The following FREM2 variants were observed in gnomAD, a reference collection of about 807,000 sequenced individuals.
The protein encoded by FREM2 is FRAS1-related extracellular matrix protein 2.
A neutral mutation model predicts 219.9 loss-of-function variants in FREM2; 119 were observed. The ratio of observed to expected loss-of-function variants is 0.54; its 90% CI spans 0.47 to 0.63. The LOEUF (loss-of-function observed/expected upper bound fraction) is 0.63. FREM2 is among the 30% of genes least tolerant of loss of function. FREM2 has a pLI of 0.00. For synonymous variants in FREM2, 1,562 were observed against 1,522.8 expected (o/e 1.03, Z -0.60); for missense variants, 4,030 against 3,993.6 (o/e 1.01, Z -0.25).
At chr13:38,755,271 A>G (rs554983508) in intron 2 of FREM2, among the ~76,000 whole-genome samples, 1 of 152,138 alleles carries the variant, frequency 6.6e-6, no homozygotes, top group South Asian at 2.1e-4. Flanking sequence ...CAGTTGCCCA[A>G]CATCTGCACA....
Position 38,859,530 on chromosome 13 carries a change from A to G in FREM2, c.7459A>G (p.Thr2487Ala). ...RVQCAARAVN[T>A]NGDEGLELMS... ...ACAGTGCGCAGCTCGTGCTGTGAAC[A>G]CCAATGGGGATGAAGGCCTGGAGCT... The change falls in exon 14 of 24, where the codon ACC becomes GCC. Residue 2487 changes from threonine to alanine, a missense_variant. Coordinates refer to ENST00000280481, the MANE Select transcript of FREM2 (RefSeq NM_207361.6). 1 of 1,614,114 alleles carries G rather than the reference A, an allele frequency of 6.2e-7. No homozygotes were observed. Among genetic ancestry groups the G allele is most frequent in the Non-Finnish European group, 8.5e-7 (1 of 1,180,008 alleles).
chr13:38,749,689 C>T (rs1872649136), intron 2 of FREM2, among the ~76,000 whole-genome samples: 1 of 152,082 alleles, frequency 6.6e-6, no homozygotes, highest in Non-Finnish European at 1.5e-5. Flanking sequence ...CCTTCACCCC[C>T]TCCCCAACTT....
At chr13:38,847,762 G>A (rs961888081) in intron 7 of FREM2, among the ~76,000 whole-genome samples, 14 of 152,054 alleles carry the variant, frequency 9.2e-5, no homozygotes, top group African/African-American at 3.4e-4. Context: ...AAATATTATC[G>A]ATCTGTTGCC....
At chr13:38,820,286 GT>G (rs1875989863) in intron 6 of FREM2, among the ~76,000 whole-genome samples, 1 of 152,064 alleles carries the variant, frequency 6.6e-6, no homozygotes, top group African/African-American at 2.4e-5. Context: ...ATTGTCTTGA[GT>G]TTGTTTTGTC....
At chr13:38,879,032 G>C (rs1033603842) in intron 23 of FREM2, 55 bp downstream of exon 23, 7 of 1,525,716 alleles carry the variant, frequency 4.6e-6, no homozygotes, top group Non-Finnish European at 6.4e-6. Flanking sequence ...GCAAGTTATG[G>C]AACATTTATA....
At chr13:38,827,962 A>G (rs1484388476) in intron 6 of FREM2, among the ~76,000 whole-genome samples, 1 of 152,154 alleles carries the variant, frequency 6.6e-6, no homozygotes, top group African/African-American at 2.4e-5. Context: ...TTGTTTAGTA[A>G]TAATATCTTT....
chr13:38,714,976 C>T (rs942658852), intron 2 of FREM2, among the ~76,000 whole-genome samples: 1 of 151,852 alleles, frequency 6.6e-6, no homozygotes, highest in African/African-American at 2.4e-5. Flanking sequence ...CCTGTAATCC[C>T]AGCTACTTGG....
chr13:38,826,751 T>C (rs1876304146), intron 6 of FREM2, among the ~76,000 whole-genome samples: 1 of 152,148 alleles, frequency 6.6e-6, no homozygotes. Flanking sequence ...TCTCTGTTGA[T>C]TTCAAAATCT....
intron 8 of FREM2, among the ~76,000 whole-genome samples, chr13:38,849,620 G>T (rs979864126): frequency 6.6e-6 from 1 of 152,108 alleles, no homozygotes; most frequent in Non-Finnish European, 1.5e-5. Flanking sequence ...CCTAGCATAG[G>T]TGTCACCTAA....
At chr13:38,802,959 C>T (rs1451544981) in intron 6 of FREM2, among the ~76,000 whole-genome samples, 1 of 152,140 alleles carries the variant, frequency 6.6e-6, no homozygotes, top group East Asian at 1.9e-4. Flanking sequence ...AGCAGGTTGC[C>T]TTGCTTCCCT....
At chr13:38,708,974 C>T (rs771921692) in intron 2 of FREM2, among the ~76,000 whole-genome samples, 10 of 151,970 alleles carry the variant, frequency 6.6e-5, no homozygotes, top group Non-Finnish European at 1.0e-4. Context: ...TGGCCAGGCT[C>T]GTCTTGAACT....
intron 2 of FREM2, among the ~76,000 whole-genome samples, chr13:38,709,681 C>A (rs1244803613): frequency 6.6e-6 from 1 of 152,004 alleles, no homozygotes; most frequent in African/African-American, 2.4e-5. Context: ...ATTTAAAAAT[C>A]TTTTATTTTG....
rs371020994 is a variant in FREM2 at position 38,690,445 on chromosome 13, T to C, written c.3101T>C (p.Leu1034Pro). 9.3e-6 allele frequency: 15 copies of C among 1,614,114 alleles called. No individual in the cohort carries two copies. Among genetic ancestry groups the C allele is most frequent in the African/African-American group, 4.0e-5 (3 of 74,952 alleles). Residue 1034 changes from leucine (L) to proline (P), a missense_variant, in exon 1 of 24, where the codon CTG becomes CCG. Physicochemically the swap from Leu to Pro is moderately conservative, Grantham distance 98. Around this residue, in one of 2 missense-constraint regions of FREM2, gnomAD observed 3,102 missense variants for 2,950.7 expected, o/e 1.05. Coordinates refer to ENST00000280481, the MANE Select transcript of FREM2 (RefSeq NM_207361.6). The part of the protein sequence containing the change: ...GLLPKADSFN[L>P]SLSDMSQEWR... ...TTGCCTAAAGCGGATTCTTTTAACC[T>C]GAGTCTGTCAGATATGTCTCAAGAA...
chr13:38,806,190 G>A (rs1875219571), intron 6 of FREM2, among the ~76,000 whole-genome samples: 2 of 151,914 alleles, frequency 1.3e-5, no homozygotes, highest in African/African-American at 2.4e-5. Context: ...CTTGTGGGAG[G>A]ACTTGTGGCC....
chr13:38,800,914 G>GC (rs1874983347), intron 6 of FREM2, among the ~76,000 whole-genome samples: 1 of 152,200 alleles, frequency 6.6e-6, no homozygotes, highest in South Asian at 2.1e-4. Flanking sequence ...ATAGGCATGA[G>GC]CCACCACACC....
intron 2 of FREM2, among the ~76,000 whole-genome samples, chr13:38,720,099 T>C (rs558365483): frequency 6.6e-6 from 1 of 152,240 alleles, no homozygotes; most frequent in Non-Finnish European, 1.5e-5. Flanking sequence ...GAAAGGGAAG[T>C]GTAACAGTGC....
chr13:38,785,305 C>T (rs957968925), intron 6 of FREM2, among the ~76,000 whole-genome samples: 1 of 152,120 alleles, frequency 6.6e-6, no homozygotes, highest in Non-Finnish European at 1.5e-5. Flanking sequence ...GAGAGAATAT[C>T]CTAGATCATT....
intron 4 of FREM2, among the ~76,000 whole-genome samples, chr13:38,775,712 C>G (rs1040416520): frequency 1.3e-5 from 2 of 152,150 alleles, no homozygotes; most frequent in Non-Finnish European, 2.9e-5. Flanking sequence ...CTCCGCCTCC[C>G]CATTAAAGTG....
chr13:38,713,362 C>T (rs1200708565), intron 2 of FREM2, among the ~76,000 whole-genome samples: 1 of 152,144 alleles, frequency 6.6e-6, no homozygotes, highest in Non-Finnish European at 1.5e-5. Context: ...AGCAGTGTCT[C>T]AGGAATGTGA....
Sources: gnomAD v4.1 joint callset for allele counts (sites outside exome capture counted in the v4.1 genomes callset) on GRCh38, gnomAD v4.1.1 for gene constraint, gnomAD v4.1.1 regional missense constraint, MANE v1.5 for transcripts, NCBI Gene and HGNC (gene_info 2026-07-23, HGNC 2026-07-21) for gene names.